Variants in SMCO1 observed in about 807,000 individuals in gnomAD.
The protein encoded by SMCO1 is single-pass membrane protein with coiled-coil domains 1, also known as single-pass membrane and coiled-coil domain-containing protein 1.
SMCO1 carries 9 observed loss-of-function variants against 7.5 expected under a neutral mutation model. That is an observed-to-expected ratio of 1.20 (90% confidence interval 0.72 to 2.09). The LOEUF (loss-of-function observed/expected upper bound fraction) is 2.09, where lower values mean the gene tolerates loss of function less well. SMCO1 is among the 30% of genes most tolerant of loss of function. The pLI is 0.00. For synonymous variants in SMCO1, 90 were observed against 93.8 expected, an observed-to-expected ratio of 0.96 and a Z score of 0.23; for missense variants, 219 against 253.1, an observed-to-expected ratio of 0.87 and a Z score of 0.91.
chr3:196,520,479 C>T, the SMCO1 span, among the ~76,000 whole-genome samples: 1 of 152,058 alleles, frequency 6.6e-6, no homozygotes, highest in Admixed American at 6.6e-5. Context: ...GCCATCAGCT[C>T]CTCCAGCTCC....
chr3:196,514,336 T>TTAC (rs1733326127), intron 1 of SMCO1, among the ~76,000 whole-genome samples: 1 of 148,956 alleles, frequency 6.7e-6, no homozygotes, highest in African/African-American at 2.4e-5. Flanking sequence ...CAAGCTTACA[T>TTAC]ATGGCTTATA....
chr3:196,511,465 A>G lies in SMCO1; in HGVS notation c.51-1796T>C, dbSNP rs551123217. On this transcript the variant is annotated intron_variant, in intron 1 of 2. Coordinates refer to ENST00000397537, the MANE Select transcript of SMCO1 (RefSeq NM_001077657.3). Reference sequence around the variant, plus strand: ...ACCTGCCTGAGCCACCTAGATTCTCATTATGAGGGAAACCTGCCTGGGCCA... The same window carrying G: ...ACCTGCCTGAGCCACCTAGATTCTCGTTATGAGGGAAACCTGCCTGGGCCA... Among the ~76,000 whole-genome samples the G allele has an allele frequency of 2.4e-3, 112 of 45,740 alleles. 1 individual carries two copies. The highest frequency in any genetic ancestry group is 0.017 in the African/African-American group (91 of 5,334). 30.0% of individuals were successfully genotyped at this position (45,740 alleles called of 152,430 possible).
chr3:196,512,800 A>G (rs1460564848), intron 1 of SMCO1, among the ~76,000 whole-genome samples: 2 of 151,602 alleles, frequency 1.3e-5, no homozygotes, highest in East Asian at 1.9e-4. Flanking sequence ...GAGCCACCGC[A>G]CCCGGCCTAG....
intron 1 of SMCO1, among the ~76,000 whole-genome samples, chr3:196,513,851 C>T (rs78284331): frequency 0.087 from 13,204 of 152,230 alleles, 811 homozygotes; most frequent in Middle Eastern, 0.14. Flanking sequence ...ATGCAAATCT[C>T]AGCGCAGGCT....
rs150296456 is a variant in SMCO1, at chr3:196,513,818, G to A, written c.50+1342C>T. On this transcript the variant is annotated intron_variant, in intron 1 of 2. Transcript: ENST00000397537. Reference sequence around the variant, plus strand: ...TCTCACCAAAGGACAGTCCGAGGCCGTTCCAGATAAATCTCAACCAACATG... The same window carrying A: ...TCTCACCAAAGGACAGTCCGAGGCCATTCCAGATAAATCTCAACCAACATG... 5.0e-3 allele frequency among the ~76,000 whole-genome samples: 756 copies of A among 152,270 alleles called. 10 individuals are homozygous for A. Among genetic ancestry groups the A allele is most frequent in the African/African-American group, 0.016 (685 of 41,564 alleles).
chr3:196,507,014 T>C lies in SMCO1; in HGVS notation c.*873A>G, dbSNP rs1273927217. 1 of 152,212 alleles carries C rather than the reference T, an allele frequency of 6.6e-6. No individual in the cohort carries two copies. The highest frequency in any genetic ancestry group is 1.5e-5 in the Non-Finnish European group (1 of 68,056). 9.4% of individuals were successfully genotyped at this position (152,212 alleles called of 1,614,324 possible). A position where few individuals can be genotyped will look rare whatever the true frequency, so the allele number is the denominator to read the frequency against. ...TAGAAATGGGCAAGTGCATGCTGAT[T>C]GGTCTGTGGCTATGCTTGACAAAGC... On this transcript the variant is annotated 3_prime_UTR_variant, in exon 3 of 3. Coordinates refer to ENST00000397537, the MANE Select transcript of SMCO1 (RefSeq NM_001077657.3).
upstream of SMCO1, among the ~76,000 whole-genome samples, chr3:196,517,482 C>T (rs1000091285): frequency 1.3e-5 from 2 of 152,030 alleles, no homozygotes; most frequent in African/African-American, 2.4e-5. Context: ...TTCTGGGTTG[C>T]CAAATATAAG....
At chr3:196,515,104 C>T (rs764688684) in intron 1 of SMCO1, 56 bp downstream of exon 1, 9 of 1,590,614 alleles carry the variant, frequency 5.7e-6, no homozygotes, top group Non-Finnish European at 6.9e-6. Context: ...CTTCTCTTAC[C>T]CATCTTCCCA....
intron 1 of SMCO1, among the ~76,000 whole-genome samples, chr3:196,514,822 A>G (rs888967490): frequency 6.6e-6 from 1 of 151,988 alleles, no homozygotes; most frequent in Non-Finnish European, 1.5e-5. Flanking sequence ...GCTCACTGCA[A>G]CCTCCACCTC....
rs919791629 is a variant in SMCO1 at position 196,509,644 on chromosome 3, C to G, written c.76G>C (p.Glu26Gln). The G allele has an allele frequency of 2.5e-6, 4 of 1,613,948 alleles. No homozygotes were observed. In the Admixed American group the frequency reaches 6.7e-5, roughly 27 times the overall value. The change falls in exon 2 of 3, where the codon GAA becomes CAA. Residue 26 changes from glutamate to glutamine, a missense_variant. By Grantham distance (29) the Glu-to-Gln change is conservative. Coordinates refer to ENST00000397537, the MANE Select transcript of SMCO1 (RefSeq NM_001077657.3). The part of the protein sequence containing the change: ...KRVDHKLQAL[E>Q]TQFKELDFTK... ...AAGTCTAGTTCTTTGAACTGTGTTT[C>G]TAACGCTTGGAGTTTGTGGTCTACT...
intron 1 of SMCO1, among the ~76,000 whole-genome samples, chr3:196,513,391 G>A (rs1272498609): frequency 6.6e-6 from 1 of 151,990 alleles, no homozygotes; most frequent in Non-Finnish European, 1.5e-5. Flanking sequence ...AGCCATTTGG[G>A]AGGCCAAGGC....
chr3:196,518,711 C>T (rs113520766), upstream of SMCO1, among the ~76,000 whole-genome samples: 32 of 152,152 alleles, frequency 2.1e-4, no homozygotes, highest in Non-Finnish European at 3.7e-4. Context: ...AGTAGAGGAG[C>T]GGACTCAAAA....
chr3:196,509,524 G>A lies in SMCO1; in HGVS notation c.196C>T (p.Leu66Phe). ...GATTTCTCAATTGATACTCACTGGA[G>A]TGCCCGAACTGCTGTCCACATCTCA... Reference protein sequence around the residue: ...QDEMWTAVRALQLTSMELNIL... With the variant: ...QDEMWTAVRAFQLTSMELNIL... The change falls in exon 2 of 3, where the codon CTC becomes TTC. Residue 66 changes from leucine to phenylalanine, a missense_variant. Leu to Phe is a conservative substitution (Grantham distance 22). Transcript: ENST00000397537. The A allele has an allele frequency of 6.2e-7, 1 of 1,612,392 alleles. No homozygotes were observed.
rs1560283641 is a variant in SMCO1, at chr3:196,511,107, ATTTGC to A, written c.51-1443_51-1439del. Among the ~76,000 whole-genome samples, 1,356 of 143,484 alleles carry A rather than the reference ATTTGC, an allele frequency of 9.5e-3. 78 individuals are homozygous for A. Among genetic ancestry groups the A allele is most frequent in the African/African-American group, 0.038 (1,298 of 34,040 alleles). 94.1% of individuals were successfully genotyped at this position (143,484 alleles called of 152,430 possible). ...CACCTAGATTGTCATTATGAGGGAAATTTGCCTGGGCCACCTAGATTGTCTTTATG... is the reference window on the plus strand; with the variant it reads ...CACCTAGATTGTCATTATGAGGGAAACTGGGCCACCTAGATTGTCTTTATG... On this transcript the variant is annotated intron_variant, in intron 1 of 2. Coordinates refer to ENST00000397537, the MANE Select transcript of SMCO1 (RefSeq NM_001077657.3).
chr3:196,516,674 ATAAG>A (rs1733394519), upstream of SMCO1, among the ~76,000 whole-genome samples: 1 of 152,200 alleles, frequency 6.6e-6, no homozygotes, highest in South Asian at 2.1e-4. Flanking sequence ...TAATATAGTG[ATAAG>A]TAAGGCGAAA....
At chr3:196,518,405 G>A (rs1249152748), upstream of SMCO1, among the ~76,000 whole-genome samples, 1 of 152,200 alleles carries the variant, frequency 6.6e-6, no homozygotes, top group Non-Finnish European at 1.5e-5. Context: ...TGTCTATGTT[G>A]CTAATTTTCT....
chr3:196,512,511 T>TTC (rs1222181810), intron 1 of SMCO1, among the ~76,000 whole-genome samples: 1 of 120,798 alleles, frequency 8.3e-6, no homozygotes, highest in African/African-American at 2.9e-5. Context: ...TTTCCTTTCT[T>TTC]TTTTTTTTTT....
At chr3:196,515,107 T>G (rs772431949) in intron 1 of SMCO1, 53 bp downstream of exon 1, 2 of 1,599,312 alleles carry the variant, frequency 1.3e-6, no homozygotes, top group Non-Finnish European at 1.7e-6. Flanking sequence ...CTCTTACCCA[T>G]CTTCCCAGAA....
intron 1 of SMCO1, among the ~76,000 whole-genome samples, chr3:196,512,144 CTTG>C (rs201262297): frequency 0.01 from 1,561 of 150,598 alleles, 19 homozygotes; most frequent in Non-Finnish European, 0.017. Context: ...ATGAGGGAAA[CTTG>C]CCTGAGCCAT....
Sources: allele counts gnomAD v4.1 joint callset (sites outside exome capture counted in the v4.1 genomes callset), GRCh38; gene constraint gnomAD v4.1.1; transcripts MANE v1.5; gene names NCBI Gene and HGNC (gene_info 2026-07-23, HGNC 2026-07-21).